Variants in PLCL1 observed in about 807,000 individuals in gnomAD.
PLCL1 encodes the protein inactive phospholipase C-like protein 1.
In PLCL1, 41 loss-of-function variants were observed where a neutral mutation model predicts 84.4. The observed-to-expected ratio is 0.49, with a 90% CI of 0.38 to 0.63. The LOEUF (loss-of-function observed/expected upper bound fraction) is 0.63, where lower values mean the gene tolerates loss of function less well. PLCL1 is among the 30% of genes least tolerant of loss of function. The pLI is 0.00. For missense variants in PLCL1, 1,206 were observed against 1,367.8 expected (o/e 0.88, Z 1.87); for synonymous variants, 490 against 488.3 (o/e 1.00, Z -0.05).
intron 1 of PLCL1, among the ~76,000 whole-genome samples, chr2:198,068,058 A>T (rs1036218023): frequency 6.6e-6 from 1 of 152,210 alleles, no homozygotes; most frequent in African/African-American, 2.4e-5. Context: ...AGGTTTCCTG[A>T]TAGCAAAGCT....
At chr2:197,815,562 A>C (rs1305365957) in intron 1 of PLCL1, among the ~76,000 whole-genome samples, 2 of 152,194 alleles carry the variant, frequency 1.3e-5, no homozygotes, top group African/African-American at 4.8e-5. Context: ...AATACATTTC[A>C]TAAGGCTATA....
chr2:197,812,218 G>A (rs1690601306), intron 1 of PLCL1, among the ~76,000 whole-genome samples: 1 of 152,122 alleles, frequency 6.6e-6, no homozygotes, highest in African/African-American at 2.4e-5. Context: ...TCCACCATTG[G>A]TGAGATGATT....
At chr2:197,854,294 A>G (rs2105685779) in intron 1 of PLCL1, among the ~76,000 whole-genome samples, 1 of 152,324 alleles carries the variant, frequency 6.6e-6, no homozygotes, top group East Asian at 1.9e-4. Context: ...CCTTTTCCCA[A>G]CAAGTGGAAT....
At chr2:198,091,192 G>C (rs565123166) in intron 3 of PLCL1, among the ~76,000 whole-genome samples, 6 of 152,224 alleles carry the variant, frequency 3.9e-5, no homozygotes, top group Admixed American at 3.9e-4. Flanking sequence ...TGACATCTCT[G>C]TTGAGTATTT....
In PLCL1 at chr2:197,838,057, C is replaced by T. The variant is rs77894782; in HGVS notation, c.240+32718C>T. ...ATGTGGTGTATAAAGTTTCTTTCCTCAGCAGCTGAAATTGATAGGTTAAGC... is the reference window on the plus strand; with the variant it reads ...ATGTGGTGTATAAAGTTTCTTTCCTTAGCAGCTGAAATTGATAGGTTAAGC... On this transcript the variant is annotated intron_variant, in intron 1 of 5. Transcript: ENST00000428675. Among the ~76,000 whole-genome samples the T allele has an allele frequency of 9.1e-3, 1,392 of 152,194 alleles. 25 individuals are homozygous for T. Among genetic ancestry groups the T allele is most frequent in the African/African-American group, 0.032 (1,322 of 41,492 alleles).
At chr2:198,091,940 C>T (rs1231225928) in intron 3 of PLCL1, among the ~76,000 whole-genome samples, 2 of 148,762 alleles carry the variant, frequency 1.3e-5, no homozygotes, top group Non-Finnish European at 3.0e-5. Context: ...ACCTCATCCG[C>T]CTCTCACAAC....
chr2:197,943,316 A>G (rs1413328538), intron 1 of PLCL1, among the ~76,000 whole-genome samples: 3 of 152,070 alleles, frequency 2.0e-5, no homozygotes, highest in African/African-American at 7.2e-5. Flanking sequence ...TTATGGTGAA[A>G]GTATTACATG....
intron 1 of PLCL1, among the ~76,000 whole-genome samples, chr2:197,943,196 CAA>C (rs869096042): frequency 0.22 from 23,095 of 104,940 alleles, 1,782 homozygotes; most frequent in East Asian, 0.29. Context: ...GACCCTCTCT[CAA>C]AAAAAAAAAA....
In PLCL1 at chr2:197,805,170, G is replaced by A. The variant is rs1005028494; in HGVS notation, c.71G>A (p.Arg24Gln). ...PDAAGGEDDP[R>Q]VGPDAAGDCV... is the part of the protein sequence containing the mutation. Reference sequence around the variant, plus strand: ...GCGGCGGGGGGCGAAGACGACCCCCGAGTGGGCCCGGATGCCGCCGGGGAC... The same window carrying A: ...GCGGCGGGGGGCGAAGACGACCCCCAAGTGGGCCCGGATGCCGCCGGGGAC... Residue 24 changes from arginine to glutamine, a missense_variant, in exon 1 of 6, where the codon CGA becomes CAA. Arg to Gln is a conservative substitution (Grantham distance 43). Transcript: ENST00000428675. This position sits in a 1 kb window ranked among gnomAD's most constrained non-coding sequence, Gnocchi z 4.0. The A allele has an allele frequency of 1.5e-4, 188 of 1,295,380 alleles. No individual in the cohort carries two copies. Among genetic ancestry groups the A allele is most frequent in the Admixed American group, 3.8e-4 (9 of 23,792 alleles). The allele number at this position is 1,295,380 out of a possible 1,614,324, so 80.2% of individuals were successfully genotyped here.
intron 1 of PLCL1, among the ~76,000 whole-genome samples, chr2:197,952,265 T>G (rs1248858077): frequency 1.3e-5 from 2 of 152,164 alleles, no homozygotes; most frequent in Non-Finnish European, 2.9e-5. Flanking sequence ...ACTTTTAACT[T>G]TATTTATGTC....
In PLCL1 at chr2:197,805,007, G is replaced by T; in HGVS notation, c.-93G>T. 3.7e-6 allele frequency: 5 copies of T among 1,339,380 alleles called. No homozygotes were observed. The highest frequency in any genetic ancestry group is 2.7e-4 in the Middle Eastern group (1 of 3,730). The allele number at this position is 1,339,380 out of a possible 1,614,324, so 83.0% of individuals were successfully genotyped here. On this transcript the variant is annotated 5_prime_UTR_variant, in exon 1 of 6. Transcript: ENST00000428675. The surrounding 1 kb of genome is among the most constrained non-coding windows in gnomAD (Gnocchi z 4.0). ...CGGTGAAACAAAGTCTGGCGGGGCCGCCTCCCGGTGCAGGAGCGCACCGGT... is the reference window on the plus strand; with the variant it reads ...CGGTGAAACAAAGTCTGGCGGGGCCTCCTCCCGGTGCAGGAGCGCACCGGT...
At chr2:197,911,448 T>C (rs992843972) in intron 1 of PLCL1, among the ~76,000 whole-genome samples, 2 of 152,184 alleles carry the variant, frequency 1.3e-5, no homozygotes, top group African/African-American at 4.8e-5. Context: ...AGGGAATATC[T>C]GAAAATCAAG....
chr2:198,004,911 G>A (rs1690692337), intron 1 of PLCL1, among the ~76,000 whole-genome samples: 1 of 152,086 alleles, frequency 6.6e-6, no homozygotes, highest in Admixed American at 6.5e-5. Context: ...TTCTTAAAAA[G>A]GTCCAACTTA....
At chr2:198,127,589 G>A (rs907295996) in intron 5 of PLCL1, among the ~76,000 whole-genome samples, 2 of 152,140 alleles carry the variant, frequency 1.3e-5, no homozygotes, top group African/African-American at 4.8e-5. Context: ...CTGAAAATGT[G>A]TGTACATAGT....
intron 1 of PLCL1, among the ~76,000 whole-genome samples, chr2:197,971,224 A>G (rs1689857134): frequency 6.6e-6 from 1 of 152,232 alleles, no homozygotes; most frequent in South Asian, 2.1e-4. Flanking sequence ...ACCAAAAGGA[A>G]ACAGAAAAAG....
rs779993552 is a variant in PLCL1 at position 198,085,881 on chromosome 2, A to G, written c.2364A>G (p.Leu788=). The part of the protein sequence containing the change: ...FDETFEFQVN[L]PELAMIRFVV... ...AAACTTTTGAGTTCCAAGTAAACCT[A>G]CCTGAGCTGGCCATGATCCGTTTTG... Residue 788 remains leucine (L), a synonymous_variant, in exon 2 of 6, where the codon CTA becomes CTG. Transcript: ENST00000428675. The surrounding 1 kb of genome is among the most constrained non-coding windows in gnomAD (Gnocchi z 5.3). 4 of 1,613,982 alleles carry G rather than the reference A, an allele frequency of 2.5e-6. No individual in the cohort carries two copies. Among genetic ancestry groups the G allele is most frequent in the Non-Finnish European group, 3.4e-6 (4 of 1,179,972 alleles).
chr2:197,805,148 G>A lies in PLCL1; in HGVS notation c.49G>A (p.Ala17Thr), dbSNP rs1267664086. The A allele has an allele frequency of 1.4e-5, 18 of 1,307,110 alleles. No homozygotes were observed. Among genetic ancestry groups the A allele is most frequent in the Non-Finnish European group, 1.6e-5 (17 of 1,032,758 alleles). The allele number at this position is 1,307,110 out of a possible 1,614,324, so 81.0% of individuals were successfully genotyped here. A position where few individuals can be genotyped will look rare whatever the true frequency, so the allele number is the denominator to read the frequency against. ...GREDPAPPDA[A>T]GGEDDPRVGP... is the part of the protein sequence containing the mutation. The stretch of plus-strand genomic sequence containing the variant: ...GGAGGATCCGGCGCCGCCCGACGCG[G>A]CGGGGGGCGAAGACGACCCCCGAGT... Residue 17 changes from alanine (A) to threonine (T), a missense_variant, in exon 1 of 6, where the codon GCG (alanine) becomes ACG (threonine). Transcript: ENST00000428675. The surrounding 1 kb of genome is among the most constrained non-coding windows in gnomAD (Gnocchi z 4.0).
intron 1 of PLCL1, among the ~76,000 whole-genome samples, chr2:197,973,915 G>A (rs1689916831): frequency 6.6e-6 from 1 of 152,200 alleles, no homozygotes; most frequent in Admixed American, 6.5e-5. Context: ...GGATAGTGGA[G>A]GAGTAGAGAG....
At chr2:198,111,074 C>T (rs1352659247) in intron 5 of PLCL1, among the ~76,000 whole-genome samples, 1 of 151,768 alleles carries the variant, frequency 6.6e-6, no homozygotes, top group Admixed American at 6.6e-5. Context: ...CACTTCCTAG[C>T]TCTGTGTCTT....
Sources: gnomAD v4.1 joint callset for allele counts (sites outside exome capture counted in the v4.1 genomes callset) on GRCh38, gnomAD v4.1.1 for gene constraint, Gnocchi (gnomAD v3.1) non-coding constraint, MANE v1.5 for transcripts, NCBI Gene and HGNC (gene_info 2026-07-23, HGNC 2026-07-21) for gene names.